Variants in CACNA2D3 observed in about 807,000 individuals in gnomAD.
The protein encoded by CACNA2D3 is calcium voltage-gated channel auxiliary subunit alpha2delta 3.
A neutral mutation model predicts 160.6 loss-of-function variants in CACNA2D3; 60 were observed. The ratio of observed to expected loss-of-function variants is 0.37; its 90% confidence interval spans 0.30 to 0.46. CACNA2D3 has a LOEUF of 0.46. CACNA2D3 is among the 20% of genes least tolerant of loss of function. CACNA2D3 has a pLI of 1.00. For synonymous variants in CACNA2D3, 558 were observed against 492.9 expected (o/e 1.13, Z -1.75); for missense variants, 1,205 against 1,365.0 (o/e 0.88, Z 1.85).
chr3:54,538,742 G>A (rs1207991049), intron 5 of CACNA2D3, among the ~76,000 whole-genome samples: 3 of 152,104 alleles, frequency 2.0e-5, no homozygotes, highest in Non-Finnish European at 4.4e-5. Flanking sequence ...GAATTATGGG[G>A]GTGCTCCATA....
Position 54,802,005 on chromosome 3 carries a change from G to A in CACNA2D3, c.1381-14848G>A, listed in dbSNP as rs141143915. Among the ~76,000 whole-genome samples, 86 of 152,324 alleles carry A rather than the reference G, an allele frequency of 5.6e-4. 1 individual carries two copies. Among genetic ancestry groups the A allele is most frequent in the Admixed American group, 1.3e-3 (20 of 15,296 alleles). On this transcript the variant is annotated intron_variant, in intron 13 of 37. Coordinates refer to ENST00000474759, the MANE Select transcript of CACNA2D3 (RefSeq NM_018398.3). Reference sequence around the variant, plus strand: ...GCAGCAAAAATTAGAATGAGGACATGACTAGTTTTAAAGTAGTAAAGTCAG... The same window carrying A: ...GCAGCAAAAATTAGAATGAGGACATAACTAGTTTTAAAGTAGTAAAGTCAG...
At chr3:54,338,130 A>G (rs1344753848) in intron 3 of CACNA2D3, among the ~76,000 whole-genome samples, 1 of 152,240 alleles carries the variant, frequency 6.6e-6, no homozygotes, top group African/African-American at 2.4e-5. Context: ...ATAAATTGTC[A>G]TCCAGTGATG....
intron 35 of CACNA2D3, among the ~76,000 whole-genome samples, chr3:55,021,983 C>A (rs565168728): frequency 6.6e-6 from 1 of 152,114 alleles, no homozygotes; most frequent in Non-Finnish European, 1.5e-5. Flanking sequence ...TAGCTGGGTA[C>A]AGGGATCAAT....
rs143396128 is a variant in CACNA2D3, at chr3:54,902,720, T to G, written c.2449+2852T>G. 2.7e-3 allele frequency among the ~76,000 whole-genome samples: 410 copies of G among 152,340 alleles called. 1 individual carries two copies. The highest frequency in any genetic ancestry group is 9.4e-3 in the African/African-American group (389 of 41,590). The stretch of plus-strand genomic sequence containing the variant: ...AAGGTCCACGCAGTTTGTCATTCAC[T>G]CTATAACTTGCTAAATGTGTGGTCT... On this transcript the variant is annotated intron_variant, in intron 27 of 37. Transcript: ENST00000474759.
At chr3:54,752,444 A>G (rs999868194) in intron 11 of CACNA2D3, among the ~76,000 whole-genome samples, 155 bp from the exon 12 acceptor site, 1 of 152,222 alleles carries the variant, frequency 6.6e-6, no homozygotes, top group Non-Finnish European at 1.5e-5. Context: ...GTACATTTCT[A>G]GCTGACTATA....
rs1702067760 is a variant in CACNA2D3, at chr3:54,963,020, CATG to C, written c.2450-5427_2450-5425del. Reference sequence around the variant, plus strand: ...TTACACTTGAATGCATGTCTATTAACATGATATGAGATGCATGCATGATTTCAT... The same window carrying C: ...TTACACTTGAATGCATGTCTATTAACATATGAGATGCATGCATGATTTCAT... On this transcript the variant is annotated intron_variant, in intron 27 of 37. Transcript: ENST00000474759. Among the ~76,000 whole-genome samples, 15 of 152,266 alleles carry C rather than the reference CATG, an allele frequency of 9.9e-5. No individual in the cohort carries two copies. The South Asian group carries it at 3.1e-3, about 32-fold the overall frequency.
intron 4 of CACNA2D3, among the ~76,000 whole-genome samples, chr3:54,455,033 C>A (rs554933720): frequency 1.3e-5 from 2 of 152,028 alleles, no homozygotes; most frequent in African/African-American, 2.4e-5. Flanking sequence ...TTGGCTATTG[C>A]GAATAGTGCT....
At chr3:54,892,921 C>T (rs1029442599) in intron 25 of CACNA2D3, among the ~76,000 whole-genome samples, 3 of 152,172 alleles carry the variant, frequency 2.0e-5, no homozygotes, top group Admixed American at 6.5e-5. Flanking sequence ...TGGGTATCTT[C>T]ATTCTGTCCT....
chr3:54,676,216 C>G (rs1357543475), intron 11 of CACNA2D3, among the ~76,000 whole-genome samples: 1 of 152,184 alleles, frequency 6.6e-6, no homozygotes, highest in Non-Finnish European at 1.5e-5. Context: ...CCCTTTCCTC[C>G]CCTTTCCCAG....
chr3:54,160,503 AAAAAT>A (rs774725726), intron 2 of CACNA2D3, among the ~76,000 whole-genome samples: 43 of 152,314 alleles, frequency 2.8e-4, no homozygotes, highest in African/African-American at 9.1e-4. Flanking sequence ...CTGTCTCAAA[AAAAAT>A]AAAATAAAAT....
intron 33 of CACNA2D3, among the ~76,000 whole-genome samples, chr3:55,008,888 T>TACACACACAC (rs4024588): frequency 0.049 from 7,052 of 142,880 alleles, 219 homozygotes; most frequent in African/African-American, 0.076. Flanking sequence ...CCTCCCTCTA[T>TACACACACAC]ACACACACAC....
chr3:54,858,498 T>G (rs570045429), intron 17 of CACNA2D3, among the ~76,000 whole-genome samples: 6 of 152,320 alleles, frequency 3.9e-5, no homozygotes, highest in African/African-American at 1.4e-4. Flanking sequence ...AAATGTTAAC[T>G]GCCCAGACAA....
At chr3:54,221,455 T>G (rs1376992083) in intron 2 of CACNA2D3, among the ~76,000 whole-genome samples, 1 of 152,256 alleles carries the variant, frequency 6.6e-6, no homozygotes, top group Admixed American at 6.5e-5. Context: ...GTCTAACTGG[T>G]AGCTTGCCTT....
chr3:54,437,013 C>A (rs1700071390), intron 4 of CACNA2D3, among the ~76,000 whole-genome samples: 1 of 152,204 alleles, frequency 6.6e-6, no homozygotes, highest in Non-Finnish European at 1.5e-5. Context: ...ACATCTGTTA[C>A]AGTAGGCTCC....
At position 54,734,902 on chromosome 3, in the gene CACNA2D3, G is replaced by A. The variant is rs139742581; in HGVS notation, c.1168-17697G>A. On this transcript the variant is annotated intron_variant, in intron 11 of 37. Transcript: ENST00000474759. Reference sequence around the variant, plus strand: ...GTTCGGTGATGGGGATTAGCATCCAGAAAAGACTATCAGAAATTGCCAAAC... The same window carrying A: ...GTTCGGTGATGGGGATTAGCATCCAAAAAAGACTATCAGAAATTGCCAAAC... Among the ~76,000 whole-genome samples the A allele has an allele frequency of 5.6e-3, 858 of 152,332 alleles. 15 individuals carry two copies. Among genetic ancestry groups the A allele is most frequent in the African/African-American group, 0.02 (821 of 41,578 alleles).
chr3:54,763,653 A>ATG lies in CACNA2D3; in HGVS notation c.1247-549_1247-548dup, dbSNP rs34209151. Reference sequence around the variant, plus strand: ...TGTGTGTGTGTGTGTGTGTATATATATGTGTGTGTGTGTGTGTATATATGT... The same window carrying ATG: ...TGTGTGTGTGTGTGTGTGTATATATATGTGTGTGTGTGTGTGTGTATATATGT... On this transcript the variant is annotated intron_variant, in intron 12 of 37. Coordinates refer to ENST00000474759, the MANE Select transcript of CACNA2D3 (RefSeq NM_018398.3). Among the ~76,000 whole-genome samples the ATG allele has an allele frequency of 2.9e-3, 402 of 140,720 alleles. 2 individuals are homozygous for ATG. The highest frequency in any genetic ancestry group is 9.6e-3 in the East Asian group (46 of 4,794). 92.3% of individuals were successfully genotyped at this position (140,720 alleles called of 152,430 possible).
At chr3:54,340,766 T>G (rs1383117371) in intron 3 of CACNA2D3, among the ~76,000 whole-genome samples, 2 of 152,208 alleles carry the variant, frequency 1.3e-5, no homozygotes, top group Non-Finnish European at 2.9e-5. Flanking sequence ...TCCACTATTC[T>G]ACTTCCTGGT....
At chr3:54,204,073 T>G (rs749994502) in intron 2 of CACNA2D3, among the ~76,000 whole-genome samples, 7 of 151,982 alleles carry the variant, frequency 4.6e-5, no homozygotes, top group Non-Finnish European at 1.0e-4. Context: ...TGCCTCACCC[T>G]TTGAGCTGAG....
At chr3:54,729,491 A>G (rs934548054) in intron 11 of CACNA2D3, among the ~76,000 whole-genome samples, 12 of 152,140 alleles carry the variant, frequency 7.9e-5, no homozygotes, top group Admixed American at 7.9e-4. Context: ...TTATTCCAGG[A>G]GCTGGGCTCG....
Sources: gnomAD v4.1 joint callset for allele counts (sites outside exome capture counted in the v4.1 genomes callset) on GRCh38, gnomAD v4.1.1 for gene constraint, MANE v1.5 for transcripts, NCBI Gene and HGNC (gene_info 2026-07-23, HGNC 2026-07-21) for gene names.